Variants in CTTNBP2NL observed in about 807,000 individuals in gnomAD.
CTTNBP2NL encodes CTTNBP2 N-terminal like, also known as CTTNBP2 N-terminal-like protein.
Under a neutral mutation model 32.5 loss-of-function variants are expected in CTTNBP2NL, and 16 were observed. That is an observed-to-expected ratio of 0.49 (90% CI 0.33 to 0.75). The LOEUF (loss-of-function observed/expected upper bound fraction) is 0.75. Among genes scored for constraint, CTTNBP2NL ranks in the 30% least tolerant of loss-of-function variants. The pLI is 0.02. For synonymous variants in CTTNBP2NL, 298 were observed against 289.4 expected, an observed-to-expected ratio of 1.03 and a Z score of -0.30; for missense variants, 645 against 756.0, an observed-to-expected ratio of 0.85 and a Z score of 1.72.
chr1:112,458,209 G>A lies in CTTNBP2NL; in HGVS notation c.*797G>A, dbSNP rs1299247987. 2 of 152,606 alleles carry A rather than the reference G, an allele frequency of 1.3e-5. No individual in the cohort carries two copies. The highest frequency in any genetic ancestry group is 2.9e-5 in the Non-Finnish European group (2 of 68,022). 9.5% of individuals were successfully genotyped at this position (152,606 alleles called of 1,614,324 possible). A position where few individuals can be genotyped will look rare whatever the true frequency, so the allele number is the denominator to read the frequency against. On this transcript the variant is annotated 3_prime_UTR_variant, in exon 6 of 6. Coordinates refer to ENST00000271277, the MANE Select transcript of CTTNBP2NL (RefSeq NM_018704.3). ...GTGTAAGGAACTTCTGATTCTGATT[G>A]CTGTTACTTGAATAGGAAATGGTTA...
intron 1 of CTTNBP2NL, among the ~76,000 whole-genome samples, chr1:112,404,527 A>C (rs1648602690): frequency 6.6e-6 from 1 of 152,218 alleles, no homozygotes; most frequent in Non-Finnish European, 1.5e-5. Context: ...AAGGGTTTGC[A>C]TTCCAGGCTG....
intron 4 of CTTNBP2NL, among the ~76,000 whole-genome samples, chr1:112,452,440 G>A (rs532820462): frequency 1.4e-5 from 2 of 148,146 alleles, no homozygotes; most frequent in South Asian, 4.2e-4. Context: ...TGCCTACTGG[G>A]TTCAAGCGAT....
At chr1:112,396,741 G>C (rs17030194) in intron 1 of CTTNBP2NL, among the ~76,000 whole-genome samples, 2 of 152,164 alleles carry the variant, frequency 1.3e-5, no homozygotes, top group Non-Finnish European at 1.5e-5. Context: ...GGGATGGGGC[G>C]AAGCAAAAAT....
intron 4 of CTTNBP2NL, 32 bp downstream of exon 4, chr1:112,449,204 T>C (rs774165100): frequency 7.8e-7 from 1 of 1,284,190 alleles, no homozygotes; most frequent in Non-Finnish European, 1.1e-6. Flanking sequence ...TGTAAATCTT[T>C]GTGAAGTCTT....
At chr1:112,434,432 A>ATT (rs770389932) in intron 3 of CTTNBP2NL, among the ~76,000 whole-genome samples, 19 of 151,974 alleles carry the variant, frequency 1.3e-4, no homozygotes, top group African/African-American at 2.4e-5. Flanking sequence ...AGGTGCTAAA[A>ATT]CCTGTTGGCT....
chr1:112,421,688 C>CT (rs1376561918), intron 3 of CTTNBP2NL, among the ~76,000 whole-genome samples: 7 of 150,650 alleles, frequency 4.6e-5, no homozygotes, highest in Admixed American at 3.3e-4. Context: ...TCAATTAAAT[C>CT]TTTGTTGTTA....
Position 112,424,468 on chromosome 1 carries a change from CT to C in CTTNBP2NL, c.99+8206del, listed in dbSNP as rs371763039. ...AAATCAATTAGTGTTAGTCCTCCAA[CT>C]TGTATTCTTTTTGAAACTTGCTTTA... On this transcript the variant is annotated intron_variant, in intron 3 of 5. Coordinates refer to ENST00000271277, the MANE Select transcript of CTTNBP2NL (RefSeq NM_018704.3). Among the ~76,000 whole-genome samples, 88 of 152,312 alleles carry C rather than the reference CT, an allele frequency of 5.8e-4. 1 individual carries two copies. In the East Asian group the frequency reaches 0.015, roughly 26 times the overall value.
chr1:112,457,647 T>C lies in CTTNBP2NL; in HGVS notation c.*235T>C. 4.4e-6 allele frequency: 2 copies of C among 456,686 alleles called. No homozygotes were observed. The highest frequency in any genetic ancestry group is 7.7e-6 in the Non-Finnish European group (2 of 258,826). The allele number at this position is 456,686 out of a possible 1,614,324, so 28.3% of individuals were successfully genotyped here. On this transcript the variant is annotated 3_prime_UTR_variant, in exon 6 of 6. Coordinates refer to ENST00000271277, the MANE Select transcript of CTTNBP2NL (RefSeq NM_018704.3). ...AAGGCACCTCAAAGATGTCTCAAGC[T>C]CAGCAGTCACCGTCATGTTGTGATG...
At chr1:112,438,515 A>C (rs373295668) in intron 3 of CTTNBP2NL, among the ~76,000 whole-genome samples, 2 of 152,200 alleles carry the variant, frequency 1.3e-5, no homozygotes. Context: ...GTCATCTGCA[A>C]ACAGGAATAG....
rs576784760 is a variant in CTTNBP2NL, at chr1:112,454,016, T to G, written c.331-433T>G. Among the ~76,000 whole-genome samples the G allele has an allele frequency of 2.0e-5, 3 of 152,332 alleles. No homozygotes were observed. In the East Asian group the frequency reaches 5.8e-4, roughly 29 times the overall value. On this transcript the variant is annotated intron_variant, in intron 4 of 5. Transcript: ENST00000271277. The stretch of plus-strand genomic sequence containing the variant: ...TTTGAAATGTTGAATTTCAGGCTCC[T>G]TCTTTGGTGCCTCTGGTGATTTGAG...
intron 1 of CTTNBP2NL, among the ~76,000 whole-genome samples, chr1:112,405,445 G>A (rs1648632377): frequency 6.6e-6 from 1 of 152,084 alleles, no homozygotes; most frequent in Non-Finnish European, 1.5e-5. Flanking sequence ...TCACAGGTGT[G>A]CGCCACCATG....
chr1:112,440,578 G>T (rs1293769343), intron 3 of CTTNBP2NL, among the ~76,000 whole-genome samples: 1 of 152,140 alleles, frequency 6.6e-6, no homozygotes, highest in Non-Finnish European at 1.5e-5. Context: ...TCAGTGCTCT[G>T]CAGTGTTTTT....
chr1:112,433,845 C>T (rs1649645599), intron 3 of CTTNBP2NL, among the ~76,000 whole-genome samples: 1 of 151,332 alleles, frequency 6.6e-6, no homozygotes, highest in Non-Finnish European at 1.5e-5. Context: ...TGATCTGTTG[C>T]TTCTATCTGC....
intron 1 of CTTNBP2NL, among the ~76,000 whole-genome samples, chr1:112,407,840 C>CTTTTTTTTT (rs869134559): frequency 3.3e-4 from 32 of 96,034 alleles, no homozygotes; most frequent in African/African-American, 5.2e-4. Flanking sequence ...TTTTTTCTTT[C>CTTTTTTTTT]TTTTTTTTTT....
intron 3 of CTTNBP2NL, 27 bp from the exon 4 acceptor site, chr1:112,448,915 A>T: frequency 7.4e-7 from 1 of 1,345,564 alleles, no homozygotes; most frequent in Non-Finnish European, 1.1e-6. Context: ...AAAAAGCAAG[A>T]TGCTTATTTT....
rs1394919439 is a variant in CTTNBP2NL, at chr1:112,424,624, C to T, written c.99+8360C>T. Reference sequence around the variant, plus strand: ...AATTTGGGGAGAATTCATATCTTAACAACATTGTGTTTTTCGATCCATGAA... The same window carrying T: ...AATTTGGGGAGAATTCATATCTTAATAACATTGTGTTTTTCGATCCATGAA... On this transcript the variant is annotated intron_variant, in intron 3 of 5. Coordinates refer to ENST00000271277, the MANE Select transcript of CTTNBP2NL (RefSeq NM_018704.3). 3.3e-5 allele frequency among the ~76,000 whole-genome samples: 5 copies of T among 152,162 alleles called. No individual in the cohort carries two copies. In the East Asian group the frequency reaches 5.8e-4, roughly 18 times the overall value.
At chr1:112,401,699 A>G (rs757928997) in intron 1 of CTTNBP2NL, among the ~76,000 whole-genome samples, 5 of 152,200 alleles carry the variant, frequency 3.3e-5, no homozygotes, top group Non-Finnish European at 7.3e-5. Flanking sequence ...GTGGGGGAAC[A>G]TGAAAGGCGG....
intron 3 of CTTNBP2NL, among the ~76,000 whole-genome samples, chr1:112,432,216 G>C (rs578257474): frequency 2.0e-5 from 3 of 151,840 alleles, no homozygotes; most frequent in South Asian, 4.2e-4. Context: ...TGGGACTACA[G>C]GCGCCCGCCA....
intron 3 of CTTNBP2NL, among the ~76,000 whole-genome samples, chr1:112,421,824 G>T (rs956639745): frequency 2.0e-5 from 3 of 152,174 alleles, no homozygotes; most frequent in Non-Finnish European, 2.9e-5. Context: ...GTACTCTGGT[G>T]CATGGAACAG....
Sources: gnomAD v4.1 joint callset for allele counts (sites outside exome capture counted in the v4.1 genomes callset) on GRCh38, gnomAD v4.1.1 for gene constraint, MANE v1.5 for transcripts, NCBI Gene and HGNC (gene_info 2026-07-23, HGNC 2026-07-21) for gene names.